Variants in PRRC2B observed in about 807,000 individuals in gnomAD.
The protein encoded by PRRC2B is proline rich coiled-coil 2B, also known as protein PRRC2B.
Under a neutral mutation model 242.3 loss-of-function variants are expected in PRRC2B, and 68 were observed. That is an observed-to-expected ratio of 0.28 (90% CI 0.23 to 0.34). The LOEUF (loss-of-function observed/expected upper bound fraction) is 0.34. Ranked by LOEUF, PRRC2B falls within the 10% of genes least tolerant of loss-of-function variation. The pLI is 1.00. For synonymous variants in PRRC2B, 1,228 were observed against 1,173.6 expected (o/e 1.05, Z -0.95); for missense variants, 2,835 against 2,954.8 (o/e 0.96, Z 0.94).
chr9:131,421,012 C>T (rs1837823858), intron 1 of PRRC2B, among the ~76,000 whole-genome samples: 1 of 152,234 alleles, frequency 6.6e-6, no homozygotes, highest in African/African-American at 2.4e-5. Context: ...TTGCAGCCCA[C>T]CTCCTGTTTT....
intron 1 of PRRC2B, among the ~76,000 whole-genome samples, chr9:131,399,119 T>TA (rs1213536433): frequency 6.7e-6 from 1 of 149,234 alleles, no homozygotes; most frequent in African/African-American, 2.5e-5. Context: ...CTGCTAAAAA[T>TA]ACAAAAATTA....
chr9:131,399,225 C>T (rs376180002), intron 1 of PRRC2B, among the ~76,000 whole-genome samples: 37 of 137,772 alleles, frequency 2.7e-4, no homozygotes, highest in African/African-American at 9.2e-4. Context: ...TGCAGTGAGC[C>T]GAGATTGTGC....
intron 1 of PRRC2B, among the ~76,000 whole-genome samples, chr9:131,399,297 AGTCT>A (rs1239210835): frequency 1.0e-4 from 15 of 146,132 alleles, no homozygotes; most frequent in Admixed American, 5.5e-4. Context: ...AAAAAAAAAA[AGTCT>A]GGGCACGGTG....
chr9:131,409,786 A>G lies in PRRC2B; in HGVS notation c.-52+15523A>G, dbSNP rs572543671. Among the ~76,000 whole-genome samples the G allele has an allele frequency of 1.6e-4, 25 of 152,296 alleles. 1 individual carries two copies. The East Asian group carries it at 4.8e-3, about 29-fold the overall frequency. On this transcript the variant is annotated intron_variant, in intron 1 of 31. Coordinates refer to ENST00000683519, the MANE Select transcript of PRRC2B (RefSeq NM_013318.4). ...CTAGTTCAATCGTCTGTCTCTGTTGATGTGTCAGTGGCCCTCAGAAACTGC... is the reference window on the plus strand; with the variant it reads ...CTAGTTCAATCGTCTGTCTCTGTTGGTGTGTCAGTGGCCCTCAGAAACTGC...
In PRRC2B at chr9:131,487,145, G is replaced by C. The variant is rs760482526; in HGVS notation, c.5857-22G>C. 10 of 1,611,536 alleles carry C rather than the reference G, an allele frequency of 6.2e-6. No homozygotes were observed. Among genetic ancestry groups the C allele is most frequent in the African/African-American group, 1.3e-5 (1 of 74,860 alleles). On this transcript the variant is annotated intron_variant, in intron 26 of 31. Transcript: ENST00000683519. The surrounding 1 kb of genome is among the most constrained non-coding windows in gnomAD (Gnocchi z 5.3). ...GGATGGGCCTTGCGGTTACCTCCCC[G>C]ACCCCGTTTTCCCGTTCACAGGCCG...
In PRRC2B at chr9:131,446,774, T is replaced by C. The variant is rs1838815244; in HGVS notation, c.855+132T>C. 4 of 1,073,966 alleles carry C rather than the reference T, an allele frequency of 3.7e-6. No individual in the cohort carries two copies. In the Admixed American group the frequency reaches 1.1e-4, roughly 30 times the overall value. The allele number at this position is 1,073,966 out of a possible 1,614,324, so 66.5% of individuals were successfully genotyped here. Reference sequence around the variant, plus strand: ...ACCCTACTTCTGAGGCTTCCACTCGTTTTGCATTTTCTCTCCCTGCTTTTT... The same window carrying C: ...ACCCTACTTCTGAGGCTTCCACTCGCTTTGCATTTTCTCTCCCTGCTTTTT... On this transcript the variant is annotated intron_variant, in intron 7 of 31. Transcript: ENST00000683519. This position sits in a 1 kb window ranked among gnomAD's most constrained non-coding sequence, Gnocchi z 4.1.
In PRRC2B at chr9:131,464,894, AGAG is replaced by A; in HGVS notation, c.1540_1542del (p.Glu514del). The A allele has an allele frequency of 6.2e-7, 1 of 1,613,636 alleles. No homozygotes were observed. The highest frequency in any genetic ancestry group is 8.5e-7 in the Non-Finnish European group (1 of 1,179,798). The stretch of plus-strand genomic sequence containing the variant: ...AGCGAGCCCGAAAGCGCCGGGAAGA[AGAG>A]GAGCGCCGAGCCCGGGAGGAGAGGC... On this transcript the variant is annotated inframe_deletion, in exon 12 of 32. Transcript: ENST00000683519.
At chr9:131,395,016 G>A (rs1837006719) in intron 1 of PRRC2B, among the ~76,000 whole-genome samples, 1 of 150,986 alleles carries the variant, frequency 6.6e-6, no homozygotes, top group Non-Finnish European at 1.5e-5. Context: ...GAGAAATTCA[G>A]CCCTGTTGAA....
intron 1 of PRRC2B, among the ~76,000 whole-genome samples, chr9:131,394,499 A>G (rs1296671866): frequency 6.9e-6 from 1 of 145,790 alleles, no homozygotes; most frequent in African/African-American, 2.5e-5. Flanking sequence ...CGCGCTCGCC[A>G]TTGTTGTGGC....
intron 1 of PRRC2B, among the ~76,000 whole-genome samples, chr9:131,411,327 T>G (rs1245097219): frequency 7.7e-6 from 1 of 130,488 alleles, no homozygotes; most frequent in African/African-American, 2.9e-5. Context: ...TTGTTTGTTT[T>G]TTTGTTTTGT....
intron 1 of PRRC2B, among the ~76,000 whole-genome samples, chr9:131,409,897 A>G (rs935804323): frequency 6.6e-6 from 1 of 152,262 alleles, no homozygotes; most frequent in African/African-American, 2.4e-5. Flanking sequence ...TACAATAAAG[A>G]ACATAGATTT....
In PRRC2B at chr9:131,424,930, C is replaced by CA. The variant is rs569710235; in HGVS notation, c.-51-5162dup. Among the ~76,000 whole-genome samples the CA allele has an allele frequency of 1.1e-4, 17 of 152,218 alleles. No individual in the cohort carries two copies. In the South Asian group the frequency reaches 3.1e-3, roughly 28 times the overall value. ...TAGACAGACTGACATCTCGTAAACA[C>CA]AATTCTAAATTTCTAGGAGAGTGTC... On this transcript the variant is annotated intron_variant, in intron 1 of 31. Transcript: ENST00000683519.
intron 5 of PRRC2B, among the ~76,000 whole-genome samples, chr9:131,440,706 T>A (rs1362730506): frequency 2.6e-5 from 4 of 152,166 alleles, no homozygotes; most frequent in Non-Finnish European, 5.9e-5. Flanking sequence ...TTTAATGAAA[T>A]GTGATTTGGC....
rs556501065 is a variant in PRRC2B at position 131,444,285 on chromosome 9, C to A, written c.570C>A (p.Val190=). The A allele has an allele frequency of 6.2e-7, 1 of 1,613,682 alleles. No individual in the cohort carries two copies. Among genetic ancestry groups the A allele is most frequent in the African/African-American group, 1.3e-5 (1 of 75,048 alleles). The part of the protein sequence containing the change: ...GQDKAGKEKG[V]LDLSYGPGPS... Reference sequence around the variant, plus strand: ...ACAAGGCTGGCAAAGAAAAGGGCGTCTTAGATCTGTCGTATGGGCCAGGAC... The same window carrying A: ...ACAAGGCTGGCAAAGAAAAGGGCGTATTAGATCTGTCGTATGGGCCAGGAC... The change falls in exon 6 of 32, where the codon GTC becomes GTA. Residue 190 remains valine, a synonymous_variant. Coordinates refer to ENST00000683519, the MANE Select transcript of PRRC2B (RefSeq NM_013318.4).
intron 6 of PRRC2B, among the ~76,000 whole-genome samples, chr9:131,445,889 A>G (rs1838785382): frequency 6.6e-6 from 1 of 152,198 alleles, no homozygotes; most frequent in African/African-American, 2.4e-5. Flanking sequence ...CAAGTGCCCC[A>G]CACCTCCACT....
At chr9:131,439,865 C>A (rs922400047) in intron 5 of PRRC2B, among the ~76,000 whole-genome samples, 1 of 151,518 alleles carries the variant, frequency 6.6e-6, no homozygotes, top group African/African-American at 2.4e-5. Flanking sequence ...TCCTGAGTAG[C>A]TGGGACTACA....
chr9:131,402,523 T>C (rs907167346), intron 1 of PRRC2B, among the ~76,000 whole-genome samples: 1 of 152,228 alleles, frequency 6.6e-6, no homozygotes, highest in Non-Finnish European at 1.5e-5. Flanking sequence ...TAGATAGTTT[T>C]GTTTTCATGT....
chr9:131,399,221 G>A (rs1451141023), intron 1 of PRRC2B, among the ~76,000 whole-genome samples: 4 of 147,320 alleles, frequency 2.7e-5, no homozygotes, highest in African/African-American at 1.0e-4. Context: ...AGGTTGCAGT[G>A]AGCCGAGATT....
At position 131,482,857 on chromosome 9, in the gene PRRC2B, G is replaced by A. The variant is rs200752474; in HGVS notation, c.5323G>A (p.Val1775Met). The A allele has an allele frequency of 2.2e-5, 35 of 1,608,240 alleles. 1 individual carries two copies. The highest frequency in any genetic ancestry group is 3.3e-5 in the South Asian group (3 of 89,930). The part of the protein sequence containing the change: ...VPPVNGVEIH[V>M]DSVLPVPPIE... Reference sequence around the variant, plus strand: ...GCCTGTTAACGGGGTGGAGATTCACGTGGACTCCGTGCTGCCTGTGCCACC... The same window carrying A: ...GCCTGTTAACGGGGTGGAGATTCACATGGACTCCGTGCTGCCTGTGCCACC... The change falls in exon 22 of 32, where the codon GTG becomes ATG. Residue 1775 changes from valine to methionine, a missense_variant. Val to Met is a conservative substitution (Grantham distance 21). Around this residue, in one of 7 missense-constraint regions of PRRC2B, gnomAD observed 574 missense variants for 626.0 expected, o/e 0.92. Transcript: ENST00000683519. This position sits in a 1 kb window ranked among gnomAD's most constrained non-coding sequence, Gnocchi z 5.2.
Sources: allele counts gnomAD v4.1 joint callset (sites outside exome capture counted in the v4.1 genomes callset), GRCh38; gene constraint gnomAD v4.1.1; regional missense constraint gnomAD v4.1.1; non-coding constraint Gnocchi (gnomAD v3.1); transcripts MANE v1.5; gene names NCBI Gene and HGNC (gene_info 2026-07-23, HGNC 2026-07-21).